ZZEF1: variants seen among roughly 807,000 people sequenced by gnomAD.
The protein encoded by ZZEF1 is zinc finger ZZ-type and EF-hand domain containing 1.
Under a neutral mutation model 342.8 loss-of-function variants are expected in ZZEF1, and 157 were observed. The ratio of observed to expected loss-of-function variants is 0.46; its 90% CI spans 0.40 to 0.52. ZZEF1 has a LOEUF of 0.52. Among genes scored for constraint, ZZEF1 ranks in the 20% least tolerant of loss-of-function variants. The pLI is 0.00. For missense variants in ZZEF1, 3,480 were observed against 3,725.6 expected, an observed-to-expected ratio of 0.93 and a Z score of 1.72; for synonymous variants, 1,505 against 1,429.1, an observed-to-expected ratio of 1.05 and a Z score of -1.20.
At chr17:4,007,661 G>A (rs775795318) in intron 54 of ZZEF1, among the ~76,000 whole-genome samples, 2 of 152,138 alleles carry the variant, frequency 1.3e-5, no homozygotes, top group African/African-American at 2.4e-5. Flanking sequence ...CTGGGGTGGC[G>A]GCGGCAATGC....
At chr17:4,117,648 C>CAA (rs61155656) in intron 2 of ZZEF1, among the ~76,000 whole-genome samples, 13 of 89,010 alleles carry the variant, frequency 1.5e-4, no homozygotes, top group African/African-American at 5.8e-4. Flanking sequence ...AACTCCACCT[C>CAA]AAAAAAAAAA....
rs1003239234 is a variant in ZZEF1, at chr17:4,112,532, CTAACA to C, written c.1066+72_1066+76del. The stretch of plus-strand genomic sequence containing the variant: ...TAAGAAGCAAACCGAATCTCAAAAA[CTAACA>C]GCCTCTTCACTTCAAAGTAAAAAAT... On this transcript the variant is annotated intron_variant, in intron 5 of 54. Coordinates refer to ENST00000381638, the MANE Select transcript of ZZEF1 (RefSeq NM_015113.4). The C allele has an allele frequency of 2.8e-6, 4 of 1,430,904 alleles. No individual in the cohort carries two copies. The Admixed American group carries it at 7.5e-5, about 27-fold the overall frequency. The allele number at this position is 1,430,904 out of a possible 1,614,324, so 88.6% of individuals were successfully genotyped here.
intron 28 of ZZEF1, among the ~76,000 whole-genome samples, chr17:4,065,288 T>C (rs2057370640): frequency 6.6e-6 from 1 of 151,896 alleles, no homozygotes; most frequent in African/African-American, 2.4e-5. Context: ...TCTTATCTAC[T>C]TGGGAGGCTG....
At chr17:4,095,125 C>G (rs370882903) in intron 11 of ZZEF1, among the ~76,000 whole-genome samples, 1 of 152,196 alleles carries the variant, frequency 6.6e-6, no homozygotes, top group East Asian at 1.9e-4. Context: ...CTCAGCAATG[C>G]GGGACCTGCC....
At chr17:4,011,554 T>G (rs2055958097) in intron 52 of ZZEF1, among the ~76,000 whole-genome samples, 1 of 151,314 alleles carries the variant, frequency 6.6e-6, no homozygotes, top group East Asian at 1.9e-4. Flanking sequence ...GTTTTTTTTT[T>G]GTGTGTGTGT....
chr17:4,101,214 G>A (rs188767407), intron 9 of ZZEF1, among the ~76,000 whole-genome samples: 52 of 152,208 alleles, frequency 3.4e-4, no homozygotes, highest in South Asian at 2.7e-3. Context: ...GTTCTCCTAG[G>A]GTCTGGACTC....
intron 1 of ZZEF1, among the ~76,000 whole-genome samples, chr17:4,132,566 CA>C (rs2058678590): frequency 6.6e-6 from 1 of 152,070 alleles, no homozygotes; most frequent in Non-Finnish European, 1.5e-5. Context: ...GGCTTGGTGG[CA>C]GGCGCCTGTA....
intron 46 of ZZEF1, among the ~76,000 whole-genome samples, chr17:4,018,216 C>A (rs923848423): frequency 3.3e-5 from 5 of 152,030 alleles, no homozygotes; most frequent in African/African-American, 1.2e-4. Context: ...TCTATCTTTT[C>A]CATTTTTAAA....
Position 4,096,822 on chromosome 17 carries a change from G to A in ZZEF1, c.1673-122C>T, listed in dbSNP as rs371978713. The A allele has an allele frequency of 1.3e-4, 98 of 732,218 alleles. No individual in the cohort carries two copies. In the East Asian group the frequency reaches 1.8e-3, roughly 13 times the overall value. 45.4% of individuals were successfully genotyped at this position (732,218 alleles called of 1,614,324 possible). The stretch of plus-strand genomic sequence containing the variant: ...GGGGTAACTGGTCTGATATCTTCAC[G>A]AAAATTAGAGAAAAATGTCCTCTTT... On this transcript the variant is annotated intron_variant, in intron 9 of 54. Transcript: ENST00000381638.
intron 2 of ZZEF1, among the ~76,000 whole-genome samples, chr17:4,122,995 C>G (rs2058509290): frequency 1.3e-5 from 2 of 149,060 alleles, no homozygotes; most frequent in South Asian, 4.2e-4. Context: ...TCTCGGCTCA[C>G]TGCAAGCTCC....
intron 8 of ZZEF1, 82 bp downstream of exon 8, chr17:4,104,551 C>T: frequency 6.8e-7 from 1 of 1,463,160 alleles, no homozygotes; most frequent in Non-Finnish European, 9.4e-7. Flanking sequence ...GAGAAGATAC[C>T]AGGAGGTCAT....
intron 32 of ZZEF1, 92 bp from the exon 33 acceptor site, chr17:4,056,437 T>G (rs2271717): frequency 6.7e-5 from 87 of 1,299,940 alleles, no homozygotes; most frequent in Non-Finnish European, 8.5e-5. Flanking sequence ...AGGTCTATTA[T>G]ATTGGGCATT....
At position 4,017,913 on chromosome 17, in the gene ZZEF1, G is replaced by A; in HGVS notation, c.7564C>T (p.Gln2522Ter). The A allele has an allele frequency of 6.2e-7, 1 of 1,614,124 alleles. No individual in the cohort carries two copies. Among genetic ancestry groups the A allele is most frequent in the Non-Finnish European group, 8.5e-7 (1 of 1,180,046 alleles). Residue 2522 changes from glutamine to a stop codon, truncating the protein, a stop_gained, in exon 47 of 55, where the codon CAG (glutamine) becomes TAG (stop). Transcript: ENST00000381638. LOFTEE classifies it high-confidence loss of function. This position sits in a 1 kb window ranked among gnomAD's most constrained non-coding sequence, Gnocchi z 5.1. ...ERIRSLAQRW[Q>*]PSKSLRLEEQ... The stretch of plus-strand genomic sequence containing the variant: ...TCCAGCCTCAGACTCTTACTGGGCT[G>A]CCACCGCTGAGCCAGGGACCGTATC...
chr17:4,109,499 T>C (rs1489730199), intron 6 of ZZEF1, among the ~76,000 whole-genome samples, 154 bp downstream of exon 6: 1 of 152,096 alleles, frequency 6.6e-6, no homozygotes, highest in Non-Finnish European at 1.5e-5. Context: ...ACTGTGGAGC[T>C]GAGTGGCACG....
At position 4,049,731 on chromosome 17, in the gene ZZEF1, C is replaced by T; in HGVS notation, c.5992G>A (p.Ala1998Thr). Residue 1998 changes from alanine to threonine, a missense_variant, in exon 37 of 55, where the codon GCT (alanine) becomes ACT (threonine). Transcript: ENST00000381638. ...EQLEKKAVQG[A>T]ELSEAGNGKR... ...ACATTGCCTGCTTCTGACAGCTCAG[C>T]ACCCTGGACAGCTTTCTTCTCTAGC... is the stretch of plus-strand genomic sequence containing the variant. 6.2e-7 allele frequency: 1 copy of T among 1,614,154 alleles called. No homozygotes were observed. The highest frequency in any genetic ancestry group is 8.5e-7 in the Non-Finnish European group (1 of 1,180,024).
In ZZEF1 at chr17:4,105,806, C is replaced by T. The variant is rs762132968; in HGVS notation, c.1281G>A (p.Lys427=). Residue 427 remains lysine (K), a synonymous_variant, in exon 7 of 55, where the codon AAG becomes AAA. Coordinates refer to ENST00000381638, the MANE Select transcript of ZZEF1 (RefSeq NM_015113.4). ...AGAGTGGAGGCATGTGCCGCAGCGC[C>T]TTCCTAGAAGAGGAAAATGTAAAAT... ...FVQTVLHNTQ[K]ALRHMPPLSL... The T allele has an allele frequency of 3.6e-5, 58 of 1,601,548 alleles. No individual in the cohort carries two copies. The highest frequency in any genetic ancestry group is 4.5e-5 in the Non-Finnish European group (53 of 1,176,496).
chr17:4,041,831 A>G (rs2056809592), intron 39 of ZZEF1, among the ~76,000 whole-genome samples: 1 of 152,212 alleles, frequency 6.6e-6, no homozygotes, highest in Admixed American at 6.5e-5. Flanking sequence ...CAGATTAAAG[A>G]CAAAGTCAGC....
intron 39 of ZZEF1, among the ~76,000 whole-genome samples, chr17:4,036,072 C>A (rs1168874228): frequency 7.6e-6 from 1 of 131,422 alleles, no homozygotes; most frequent in Non-Finnish European, 1.5e-5. Context: ...TGCACTACAG[C>A]CTGTCCAAAA....
At chr17:4,104,896 A>T in intron 7 of ZZEF1, 85 bp from the exon 8 acceptor site, 2 of 1,170,490 alleles carry the variant, frequency 1.7e-6, no homozygotes, top group East Asian at 2.5e-5. Context: ...TGATCAACAC[A>T]AGTAACATTA....
Sources: allele counts gnomAD v4.1 joint callset (sites outside exome capture counted in the v4.1 genomes callset), GRCh38; gene constraint gnomAD v4.1.1; non-coding constraint Gnocchi (gnomAD v3.1); transcripts MANE v1.5; gene names NCBI Gene and HGNC (gene_info 2026-07-23, HGNC 2026-07-21).